The following B3GALT5 variants were observed in gnomAD, a reference collection of about 807,000 sequenced individuals.
The protein encoded by B3GALT5 is beta-1,3-galactosyltransferase 5.
For synonymous variants in B3GALT5, 156 were observed against 158.6 expected (o/e 0.98, Z 0.12); for missense variants, 328 against 396.6 (o/e 0.83, Z 1.47).
rs2079534703 is a variant in B3GALT5 at position 39,662,231 on chromosome 21, G to GA, written c.*742dup. 1 of 167,114 alleles carries GA rather than the reference G, an allele frequency of 6.0e-6. No homozygotes were observed. Among genetic ancestry groups the GA allele is most frequent in the South Asian group, 2.1e-4 (1 of 4,828 alleles). The allele number at this position is 167,114 out of a possible 1,614,324, so 10.4% of individuals were successfully genotyped here. ...CTTATAAATGTATAAATTAGGCTCAGAAACCACTGCATTCTGACCTGCTGT... is the reference window on the plus strand; with the variant it reads ...CTTATAAATGTATAAATTAGGCTCAGAAAACCACTGCATTCTGACCTGCTGT... On this transcript the variant is annotated 3_prime_UTR_variant, in exon 4 of 4. Coordinates refer to ENST00000684187, the MANE Select transcript of B3GALT5 (RefSeq NM_001356336.2).
At chr21:39,660,481 C>A in intron 3 of B3GALT5, 79 bp from the exon 4 acceptor site, 1 of 1,249,388 alleles carries the variant, frequency 8.0e-7, no homozygotes, top group Non-Finnish European at 1.0e-6. Flanking sequence ...GGTCTCCTCT[C>A]CCACCTCAGC....
chr21:39,640,149 G>A (rs1004091894), intron 1 of B3GALT5, among the ~76,000 whole-genome samples: 5 of 152,138 alleles, frequency 3.3e-5, no homozygotes, highest in African/African-American at 4.8e-5. Flanking sequence ...TAAATAACTC[G>A]CCTGAGCTCT....
At position 39,625,784 on chromosome 21, in the gene B3GALT5, G is replaced by A. The variant is rs183176652; in HGVS notation, c.-392+12717G>A. ...CCTCCACCTACAGAGAGAACTCCAC[G>A]TTCCCTCTAGCCCTAGTCTTGGCTT... is the stretch of plus-strand genomic sequence containing the variant. On this transcript the variant is annotated intron_variant, in intron 1 of 3. Transcript: ENST00000684187. 2.9e-3 allele frequency among the ~76,000 whole-genome samples: 438 copies of A among 152,260 alleles called. 2 individuals carry two copies. The highest frequency in any genetic ancestry group is 1.0e-2 in the African/African-American group (414 of 41,552).
In B3GALT5 at chr21:39,669,772, G is replaced by A. The variant is rs1602317827; in HGVS notation, c.*8280G>A. The A allele has an allele frequency of 6.6e-6, 1 of 152,106 alleles. No individual in the cohort carries two copies. Among genetic ancestry groups the A allele is most frequent in the African/African-American group, 2.4e-5 (1 of 41,416 alleles). The allele number at this position is 152,106 out of a possible 1,614,324, so 9.4% of individuals were successfully genotyped here. ...AGACGTGGTGGAGACACAGGCCCTCGGCCTCCAAATGCTGCCTCCCGCGAG... is the reference window on the plus strand; with the variant it reads ...AGACGTGGTGGAGACACAGGCCCTCAGCCTCCAAATGCTGCCTCCCGCGAG... On this transcript the variant is annotated 3_prime_UTR_variant, in exon 4 of 4. Coordinates refer to ENST00000684187, the MANE Select transcript of B3GALT5 (RefSeq NM_001356336.2).
At chr21:39,655,856 A>T (rs886924140) in intron 2 of B3GALT5, among the ~76,000 whole-genome samples, 1 of 152,146 alleles carries the variant, frequency 6.6e-6, no homozygotes, top group African/African-American at 2.4e-5. Context: ...GTGGAGAAGC[A>T]TCGTTCTCGT....
At chr21:39,629,873 C>T (rs933131279) in intron 1 of B3GALT5, among the ~76,000 whole-genome samples, 1 of 152,186 alleles carries the variant, frequency 6.6e-6, no homozygotes, top group African/African-American at 2.4e-5. Flanking sequence ...TACAGTTACA[C>T]TGATGTGCAG....
At chr21:39,626,300 A>G (rs1394965475) in intron 1 of B3GALT5, among the ~76,000 whole-genome samples, 2 of 152,216 alleles carry the variant, frequency 1.3e-5, no homozygotes, top group East Asian at 1.9e-4. Context: ...GTGTGTATAT[A>G]TATAGCATTT....
Position 39,659,918 on chromosome 21 carries a change from T to TTA in B3GALT5, c.-1+9_-1+10dup, listed in dbSNP as rs1294071922. On this transcript the variant is annotated splice_region_variant and intron_variant, in intron 3 of 3. Transcript: ENST00000684187. ...TTCCTCTTACCCAGCAAAAAGTGAG[T>TTA]TATACGCTTTCTTAATGTTATAACG... is the stretch of plus-strand genomic sequence containing the variant. 1.0e-6 allele frequency: 1 copy of TTA among 984,552 alleles called. No homozygotes were observed. The highest frequency in any genetic ancestry group is 1.2e-6 in the Non-Finnish European group (1 of 829,370). The allele number at this position is 984,552 out of a possible 1,614,324, so 61.0% of individuals were successfully genotyped here.
In B3GALT5 at chr21:39,647,928, G is replaced by A. The variant is rs1043406030; in HGVS notation, c.-161+1306G>A. 3.9e-5 allele frequency among the ~76,000 whole-genome samples: 6 copies of A among 152,190 alleles called. No individual in the cohort carries two copies. In the South Asian group the frequency reaches 8.3e-4, roughly 21 times the overall value. On this transcript the variant is annotated intron_variant, in intron 2 of 3. Coordinates refer to ENST00000684187, the MANE Select transcript of B3GALT5 (RefSeq NM_001356336.2). ...GTTAAAAAGCTTTTACAAAATTTTCGGAATTTTCTAATGTGGTTGGTTGCA... is the reference window on the plus strand; with the variant it reads ...GTTAAAAAGCTTTTACAAAATTTTCAGAATTTTCTAATGTGGTTGGTTGCA...
At position 39,635,039 on chromosome 21, in the gene B3GALT5, C is replaced by T. The variant is rs149105385; in HGVS notation, c.-391-11353C>T. Among the ~76,000 whole-genome samples, 21 of 152,268 alleles carry T rather than the reference C, an allele frequency of 1.4e-4. No homozygotes were observed. The East Asian group carries it at 3.3e-3, about 24-fold the overall frequency. On this transcript the variant is annotated intron_variant, in intron 1 of 3. Transcript: ENST00000684187. ...AAATCAGAATGTTCTACCATGCCATCTGCAACAAAACTGAGGGCCCCCGCA... is the reference window on the plus strand; with the variant it reads ...AAATCAGAATGTTCTACCATGCCATTTGCAACAAAACTGAGGGCCCCCGCA...
chr21:39,664,601 C>T lies in B3GALT5; in HGVS notation c.*3109C>T. On this transcript the variant is annotated 3_prime_UTR_variant, in exon 4 of 4. Coordinates refer to ENST00000684187, the MANE Select transcript of B3GALT5 (RefSeq NM_001356336.2). Reference sequence around the variant, plus strand: ...CATCCTGTTGCGTTTCTGGTGGAACCCCGCACGAGAGTTTTACTTGTCTGT... The same window carrying T: ...CATCCTGTTGCGTTTCTGGTGGAACTCCGCACGAGAGTTTTACTTGTCTGT... 1 of 152,418 alleles carries T rather than the reference C, an allele frequency of 6.6e-6. No individual in the cohort carries two copies. The highest frequency in any genetic ancestry group is 1.5e-5 in the Non-Finnish European group (1 of 68,100). The allele number at this position is 152,418 out of a possible 1,614,324, so 9.4% of individuals were successfully genotyped here.
Position 39,639,288 on chromosome 21 carries a change from C to CTCGCTCTTTCTTTCTTTCTT in B3GALT5, c.-391-7102_-391-7101insGCTCTTTCTTTCTTTCTTTC, listed in dbSNP as rs2079254599. ...CTTGCAAGCAGCTTCAGGCATCTGG[C>CTCGCTCTTTCTTTCTTTCTT]TCTTTCTTTCTTTCTTTCTTTCTTT... On this transcript the variant is annotated intron_variant, in intron 1 of 3. Coordinates refer to ENST00000684187, the MANE Select transcript of B3GALT5 (RefSeq NM_001356336.2). Among the ~76,000 whole-genome samples the CTCGCTCTTTCTTTCTTTCTT allele has an allele frequency of 3.0e-5, 3 of 98,428 alleles. No homozygotes were observed. In the East Asian group the frequency reaches 1.0e-3, roughly 34 times the overall value. The allele number at this position is 98,428 out of a possible 152,430, so 64.6% of individuals were successfully genotyped here. A position where few individuals can be genotyped will look rare whatever the true frequency, so the allele number is the denominator to read the frequency against.
chr21:39,656,016 C>T (rs2079440495), intron 2 of B3GALT5, among the ~76,000 whole-genome samples: 1 of 152,196 alleles, frequency 6.6e-6, no homozygotes, highest in East Asian at 1.9e-4. Context: ...CGGGTCTGTA[C>T]AGGCAGTTTC....
intron 1 of B3GALT5, among the ~76,000 whole-genome samples, chr21:39,623,459 C>T (rs1325450991): frequency 6.6e-6 from 1 of 151,904 alleles, no homozygotes; most frequent in Non-Finnish European, 1.5e-5. Flanking sequence ...GTTTATGCAA[C>T]TTCTTGCTGA....
intron 2 of B3GALT5, among the ~76,000 whole-genome samples, chr21:39,648,993 G>C (rs1047161229): frequency 3.3e-5 from 5 of 152,230 alleles, no homozygotes; most frequent in African/African-American, 1.2e-4. Context: ...AGACATTTCT[G>C]ATCTTTAAGC....
intron 2 of B3GALT5, chr21:39,657,801 C>T (rs2146214973): frequency 8.6e-7 from 1 of 1,169,008 alleles, no homozygotes; most frequent in Non-Finnish European, 1.1e-6. Context: ...CTGACTAATA[C>T]ACCTGGAGTG....
intron 2 of B3GALT5, among the ~76,000 whole-genome samples, chr21:39,654,535 G>A (rs184739465): frequency 2.0e-5 from 3 of 152,354 alleles, no homozygotes; most frequent in Admixed American, 1.3e-4. Flanking sequence ...AGTTGATGAA[G>A]CAGTAGCAGG....
intron 2 of B3GALT5, among the ~76,000 whole-genome samples, chr21:39,652,999 G>A (rs140549973): frequency 2.4e-4 from 36 of 151,946 alleles, no homozygotes; most frequent in African/African-American, 7.5e-4. Flanking sequence ...GCAAATCTTC[G>A]CTACATGGCT....
intron 2 of B3GALT5, 80 bp from the exon 3 acceptor site, chr21:39,659,673 G>A (rs762635167): frequency 2.1e-4 from 173 of 836,898 alleles, no homozygotes; most frequent in Non-Finnish European, 2.5e-4. Flanking sequence ...GGAAGGTGAC[G>A]CTACAGACAC....
Sources: allele counts gnomAD v4.1 joint callset (sites outside exome capture counted in the v4.1 genomes callset), GRCh38; gene constraint gnomAD v4.1.1; transcripts MANE v1.5; gene names NCBI Gene and HGNC (gene_info 2026-07-23, HGNC 2026-07-21).